The following NAALADL2 variants were observed in gnomAD, a reference collection of about 807,000 sequenced individuals.
NAALADL2 encodes N-acetylated alpha-linked acidic dipeptidase like 2.
Under a neutral mutation model 87.2 loss-of-function variants are expected in NAALADL2, and 76 were observed. The ratio of observed to expected loss-of-function variants is 0.87; its 90% CI spans 0.72 to 1.05. The LOEUF (loss-of-function observed/expected upper bound fraction) is 1.05, where lower values mean the gene tolerates loss of function less well. Among genes scored for constraint, NAALADL2 ranks in the 50% least tolerant of loss-of-function variants. The pLI, the probability that NAALADL2 is intolerant of heterozygous loss-of-function variation, is 0.00. For missense variants in NAALADL2, 1,089 were observed against 945.8 expected, an observed-to-expected ratio of 1.15 and a Z score of -1.99; for synonymous variants, 354 against 331.0, an observed-to-expected ratio of 1.07 and a Z score of -0.75.
chr3:175,208,536 C>T (rs1741291405), intron 2 of NAALADL2, among the ~76,000 whole-genome samples: 1 of 152,138 alleles, frequency 6.6e-6, no homozygotes, highest in Non-Finnish European at 1.5e-5. Flanking sequence ...GGTCAGTCAG[C>T]ATGTGCTCGA....
At chr3:174,712,380 CTTTTTTTTTTTT>C (rs1169827021) in intron 2 of NAALADL2, among the ~76,000 whole-genome samples, 4 of 70,432 alleles carry the variant, frequency 5.7e-5, no homozygotes, top group African/African-American at 2.4e-4. Flanking sequence ...TTCTCCTCTT[CTTTTTTTTTTTT>C]TTTTTTTTTT....
At chr3:175,088,438 G>A (rs527337281) in intron 1 of NAALADL2, among the ~76,000 whole-genome samples, 8 of 152,270 alleles carry the variant, frequency 5.3e-5, no homozygotes, top group African/African-American at 1.2e-4. Flanking sequence ...AAAAGAACAA[G>A]TATGAGAAAA....
At chr3:175,466,660 A>C (rs1331218547) in intron 7 of NAALADL2, among the ~76,000 whole-genome samples, 1 of 152,070 alleles carries the variant, frequency 6.6e-6, no homozygotes, top group Non-Finnish European at 1.5e-5. Context: ...GGCACTTCCC[A>C]CTCTGAGTCT....
rs116619149 is a variant in NAALADL2 at position 175,659,763 on chromosome 3, C to G, written c.1896+32377C>G. ...AAAATTTAATTTGATCTTGAGATTT[C>G]TGTATCACACCCAGCTACCTAGTCC... On this transcript the variant is annotated intron_variant, in intron 11 of 13. Coordinates refer to ENST00000454872, the MANE Select transcript of NAALADL2 (RefSeq NM_207015.3). Among the ~76,000 whole-genome samples, 505 of 152,202 alleles carry G rather than the reference C, an allele frequency of 3.3e-3. 4 individuals carry two copies. The highest frequency in any genetic ancestry group is 0.011 in the African/African-American group (475 of 41,540).
intron 1 of NAALADL2, among the ~76,000 whole-genome samples, chr3:174,987,568 CAAAAAAAAAAAAAAA>C (rs1159602995): frequency 3.4e-4 from 7 of 20,840 alleles, no homozygotes; most frequent in African/African-American, 6.1e-4. Flanking sequence ...GACTCCGTCT[CAAAAAAAAAAAAAAA>C]AAAAAAAAAA....
chr3:175,727,753 C>T (rs1375597996), intron 11 of NAALADL2, among the ~76,000 whole-genome samples: 1 of 152,156 alleles, frequency 6.6e-6, no homozygotes, highest in African/African-American at 2.4e-5. Context: ...TATTGGCCTT[C>T]ACAAATGTAA....
At chr3:174,869,274 A>G (rs1727505875) in intron 1 of NAALADL2, among the ~76,000 whole-genome samples, 1 of 152,176 alleles carries the variant, frequency 6.6e-6, no homozygotes, top group Non-Finnish European at 1.5e-5. Flanking sequence ...AGCCCTGGGA[A>G]ATGACCACAC....
At chr3:174,937,839 A>G (rs1737928038) in intron 1 of NAALADL2, among the ~76,000 whole-genome samples, 1 of 152,206 alleles carries the variant, frequency 6.6e-6, no homozygotes, top group East Asian at 1.9e-4. Flanking sequence ...TTTTCAGTTT[A>G]TCTGTGTGCC....
At chr3:175,182,414 G>GTC (rs1228673414) in intron 2 of NAALADL2, among the ~76,000 whole-genome samples, 1 of 151,602 alleles carries the variant, frequency 6.6e-6, no homozygotes. Context: ...TTGACACAGG[G>GTC]TCTCTCTCTG....
At chr3:174,536,559 C>T (rs912605564) in intron 1 of NAALADL2, 1 of 152,112 alleles carries the variant, frequency 6.6e-6, no homozygotes, top group Admixed American at 6.5e-5. Flanking sequence ...ATTGATTTCA[C>T]TCCTTTTAGA....
At chr3:175,790,263 C>CTCTT (rs1267214483) in intron 13 of NAALADL2, among the ~76,000 whole-genome samples, 2 of 152,036 alleles carry the variant, frequency 1.3e-5, no homozygotes, top group Non-Finnish European at 2.9e-5. Flanking sequence ...AATGACAGAT[C>CTCTT]TCTTTCTTTT....
chr3:175,423,399 A>G (rs1475383422), intron 5 of NAALADL2, among the ~76,000 whole-genome samples: 1 of 149,404 alleles, frequency 6.7e-6, no homozygotes, highest in Admixed American at 6.7e-5. Flanking sequence ...TATATCTCCT[A>G]ATGCTATCCC....
chr3:174,588,950 T>G (rs1294617269), intron 2 of NAALADL2, among the ~76,000 whole-genome samples: 1 of 152,144 alleles, frequency 6.6e-6, no homozygotes, highest in Non-Finnish European at 1.5e-5. Flanking sequence ...GCTGCCTTTT[T>G]TTCAGCTATG....
At chr3:175,617,831 T>C (rs956612064) in intron 10 of NAALADL2, among the ~76,000 whole-genome samples, 1 of 152,210 alleles carries the variant, frequency 6.6e-6, no homozygotes, top group Non-Finnish European at 1.5e-5. Context: ...GATTCTCATC[T>C]GATCTCTGGT....
At chr3:175,413,109 T>C (rs1713895803) in intron 5 of NAALADL2, among the ~76,000 whole-genome samples, 2 of 143,806 alleles carry the variant, frequency 1.4e-5, no homozygotes, top group African/African-American at 5.1e-5. Flanking sequence ...CAGGATGGCC[T>C]CAATCTCCTG....
chr3:175,090,921 A>G (rs538376213), intron 1 of NAALADL2, among the ~76,000 whole-genome samples: 10 of 152,168 alleles, frequency 6.6e-5, no homozygotes, highest in African/African-American at 2.4e-4. Context: ...TTCTTGATGC[A>G]TTTACAGATA....
rs115855335 is a variant in NAALADL2, at chr3:175,697,348, C to G, written c.1897-39958C>G. 7.9e-4 allele frequency among the ~76,000 whole-genome samples: 119 copies of G among 151,532 alleles called. 1 individual carries two copies. Among genetic ancestry groups the G allele is most frequent in the African/African-American group, 2.8e-3 (114 of 41,266 alleles). ...TCTTTTATGTGTAGGCCTTACTACC[C>G]CTTTTCTGTTGAACAACTACTTATA... On this transcript the variant is annotated intron_variant, in intron 11 of 13. Transcript: ENST00000454872.
At chr3:174,622,807 G>T (rs143493155) in intron 2 of NAALADL2, among the ~76,000 whole-genome samples, 1 of 152,130 alleles carries the variant, frequency 6.6e-6, no homozygotes. Flanking sequence ...TTGGGAGGCC[G>T]AGGCGGGCGA....
intron 3 of NAALADL2, among the ~76,000 whole-genome samples, chr3:174,755,238 A>C (rs1711883596): frequency 6.6e-6 from 1 of 152,116 alleles, no homozygotes; most frequent in African/African-American, 2.4e-5. Context: ...CTTCTGCCGT[A>C]ATTGTAAGTT....
Sources: gnomAD v4.1 joint callset for allele counts (sites outside exome capture counted in the v4.1 genomes callset) on GRCh38, gnomAD v4.1.1 for gene constraint, MANE v1.5 for transcripts, NCBI Gene and HGNC (gene_info 2026-07-23, HGNC 2026-07-21) for gene names.